PSD3: variants seen among roughly 807,000 people sequenced by gnomAD.
PSD3 encodes PH and SEC7 domain-containing protein 3.
A neutral mutation model predicts 105.5 loss-of-function variants in PSD3; 49 were observed. The observed-to-expected ratio is 0.46, with a 90% CI of 0.37 to 0.59. The LOEUF (loss-of-function observed/expected upper bound fraction) is 0.59, where lower values mean the gene tolerates loss of function less well. PSD3 is among the 20% of genes least tolerant of loss of function. The probability of loss-of-function intolerance (pLI) is 0.00; values close to 1 mark genes in which losing one functional copy is unlikely to be tolerated. For synonymous variants in PSD3, 557 were observed against 457.8 expected (o/e 1.22, Z -2.77); for missense variants, 1,561 against 1,263.8 (o/e 1.24, Z -3.57).
intron 9 of PSD3, among the ~76,000 whole-genome samples, chr8:18,752,588 A>G (rs1231223584): frequency 1.2e-5 from 1 of 83,368 alleles, no homozygotes; most frequent in African/African-American, 6.1e-5. Context: ...TATATATATT[A>G]TATATTATAT....
At chr8:18,716,272 C>T (rs1802588346) in intron 9 of PSD3, among the ~76,000 whole-genome samples, 1 of 152,244 alleles carries the variant, frequency 6.6e-6, no homozygotes, top group East Asian at 1.9e-4. Context: ...TTACACACCT[C>T]ATATGGTGTG....
intron 4 of PSD3, among the ~76,000 whole-genome samples, chr8:18,838,851 G>A (rs1586183986): frequency 7.1e-6 from 1 of 140,916 alleles, no homozygotes; most frequent in Non-Finnish European, 1.5e-5. Context: ...TAATAATAAT[G>A]TTCAAGAAAA....
chr8:18,612,441 C>T (rs1182547678), intron 11 of PSD3, among the ~76,000 whole-genome samples: 1 of 151,618 alleles, frequency 6.6e-6, no homozygotes. Context: ...GGCGTGATCT[C>T]GGCTCACTGC....
intron 12 of PSD3, among the ~76,000 whole-genome samples, chr8:18,599,641 A>C (rs1198462592): frequency 3.9e-5 from 6 of 152,188 alleles, no homozygotes; most frequent in Non-Finnish European, 8.8e-5. Flanking sequence ...ATGGGCTTGA[A>C]CTGTACAGAT....
At chr8:18,992,865 C>CA (rs1225590179) in intron 1 of PSD3, among the ~76,000 whole-genome samples, 1 of 134,508 alleles carries the variant, frequency 7.4e-6, no homozygotes, top group Non-Finnish European at 1.7e-5. Context: ...TTCTAAGGTC[C>CA]GTCTGAGCTC....
chr8:18,900,544 A>G (rs1819436389), intron 2 of PSD3, among the ~76,000 whole-genome samples: 2 of 152,010 alleles, frequency 1.3e-5, no homozygotes, highest in Admixed American at 6.6e-5. Flanking sequence ...CACTTCCAGC[A>G]TCACTAGTGG....
At position 18,871,675 on chromosome 8, in the gene PSD3, T is replaced by C; in HGVS notation, c.1189A>G (p.Asn397Asp). Residue 397 changes from asparagine to aspartate, a missense_variant, in exon 3 of 16, where the codon AAC becomes GAC. Coordinates refer to ENST00000327040, the MANE Select transcript of PSD3 (RefSeq NM_015310.4). ...GGTGTCTTCTCAAGATGCTGTTTGT[T>C]TTCCTGTAGGAAGACTTCATCCTCT... ...SGEDEVFLQE[N>D]KQHLEKTPKP... The C allele has an allele frequency of 6.2e-7, 1 of 1,613,486 alleles. No homozygotes were observed. Among genetic ancestry groups the C allele is most frequent in the Non-Finnish European group, 8.5e-7 (1 of 1,179,768 alleles).
intron 1 of PSD3, among the ~76,000 whole-genome samples, chr8:18,967,341 G>C (rs1824334807): frequency 1.3e-5 from 2 of 151,990 alleles, no homozygotes; most frequent in African/African-American, 4.8e-5. Context: ...TTTTAGTAGA[G>C]ACGGGGCTTC....
chr8:18,756,632 CA>C (rs1806063635), intron 9 of PSD3, among the ~76,000 whole-genome samples: 1 of 151,650 alleles, frequency 6.6e-6, no homozygotes. Flanking sequence ...TCTTTTTTGC[CA>C]CATAATATTT....
intron 9 of PSD3, among the ~76,000 whole-genome samples, chr8:18,752,512 TATATGTAATATATATA>T (rs1805601456): frequency 3.4e-4 from 19 of 56,142 alleles, no homozygotes; most frequent in African/African-American, 7.8e-4. Flanking sequence ...ATATATATAA[TATATGTAATATATATA>T]ATTATATATT....
intron 9 of PSD3, among the ~76,000 whole-genome samples, chr8:18,704,792 AAATAATAT>A (rs1801794245): frequency 6.6e-6 from 1 of 152,210 alleles, no homozygotes; most frequent in African/African-American, 2.4e-5. Context: ...GAAAGTAGAA[AAATAATAT>A]GTTAAAAGAC....
chr8:18,600,488 A>G (rs959558277), intron 11 of PSD3, 54 bp from the exon 12 acceptor site: 2 of 1,364,036 alleles, frequency 1.5e-6, no homozygotes, highest in Non-Finnish European at 2.1e-6. Flanking sequence ...TTTTAGAAAG[A>G]GAATCTAAAT....
chr8:18,704,492 C>A (rs1263278069), intron 9 of PSD3, among the ~76,000 whole-genome samples: 1 of 152,156 alleles, frequency 6.6e-6, no homozygotes, highest in Admixed American at 6.5e-5. Context: ...GACGTGCCAC[C>A]ACACTCGGCT....
At chr8:18,646,540 C>A (rs1808046248) in intron 10 of PSD3, among the ~76,000 whole-genome samples, 2 of 152,102 alleles carry the variant, frequency 1.3e-5, no homozygotes, top group South Asian at 4.1e-4. Context: ...GGGATTCCAA[C>A]TTTTCTTCAT....
At chr8:18,631,849 TAGAA>T (rs1563400812) in intron 11 of PSD3, among the ~76,000 whole-genome samples, 1 of 152,002 alleles carries the variant, frequency 6.6e-6, no homozygotes, top group Non-Finnish European at 1.5e-5. Context: ...CAGCTACAGA[TAGAA>T]ACAGTGGTAC....
intron 12 of PSD3, among the ~76,000 whole-genome samples, chr8:18,595,367 C>G (rs1011907174): frequency 1.3e-5 from 2 of 150,752 alleles, no homozygotes; most frequent in Non-Finnish European, 2.9e-5. Flanking sequence ...AAGAGTGTTT[C>G]TCTATCGATA....
At chr8:19,066,990 A>C (rs1235416238) in intron 1 of PSD3, among the ~76,000 whole-genome samples, 1 of 152,170 alleles carries the variant, frequency 6.6e-6, no homozygotes, top group Non-Finnish European at 1.5e-5. Flanking sequence ...CCTCAAAGAA[A>C]AGCCTTATGA....
At chr8:18,975,313 AAT>A (rs1491508065) in intron 1 of PSD3, among the ~76,000 whole-genome samples, 8 of 59,306 alleles carry the variant, frequency 1.3e-4, no homozygotes, top group African/African-American at 3.0e-4. Context: ...CATTTTCTGA[AAT>A]TTTTTTTTTT....
intron 4 of PSD3, among the ~76,000 whole-genome samples, chr8:18,812,289 G>A (rs1424478496): frequency 6.6e-6 from 1 of 152,192 alleles, no homozygotes; most frequent in Non-Finnish European, 1.5e-5. Flanking sequence ...TCACTGCAAT[G>A]CCCCAGAACA....
Sources: gnomAD v4.1 joint callset for allele counts (sites outside exome capture counted in the v4.1 genomes callset) on GRCh38, gnomAD v4.1.1 for gene constraint, MANE v1.5 for transcripts, NCBI Gene and HGNC (gene_info 2026-07-23, HGNC 2026-07-21) for gene names.